FAM234B: variants seen among roughly 807,000 people sequenced by gnomAD.
The protein encoded by FAM234B is protein FAM234B.
Under a neutral mutation model 69.3 loss-of-function variants are expected in FAM234B, and 33 were observed. The observed-to-expected ratio is 0.48, with a 90% CI of 0.36 to 0.64. The LOEUF (loss-of-function observed/expected upper bound fraction) is 0.64. FAM234B is among the 30% of genes least tolerant of loss of function. FAM234B has a pLI of 0.00. For synonymous variants in FAM234B, 306 were observed against 306.9 expected (o/e 1.00, Z 0.03); for missense variants, 697 against 769.7 (o/e 0.91, Z 1.12).
At chr12:13,066,912 G>A in intron 6 of FAM234B, 125 bp downstream of exon 6, 1 of 1,133,840 alleles carries the variant, frequency 8.8e-7, no homozygotes, top group Non-Finnish European at 1.3e-6. Flanking sequence ...TCTAATGCAG[G>A]GGCCTCTTAC....
At chr12:13,052,332 G>A (rs1438960003) in intron 1 of FAM234B, among the ~76,000 whole-genome samples, 1 of 152,020 alleles carries the variant, frequency 6.6e-6, no homozygotes, top group Admixed American at 6.6e-5. Context: ...GGATAGGGGT[G>A]GGGATAGATT....
Position 13,055,561 on chromosome 12 carries a change from C to A in FAM234B, c.48C>A (p.Ser16Arg). The change falls in exon 2 of 13, where the codon AGC (serine) becomes AGA (arginine). Residue 16 changes from serine to arginine, a missense_variant. Ser to Arg is a moderately radical substitution (Grantham distance 110, BLOSUM62 -1). Transcript: ENST00000197268. The stretch of plus-strand genomic sequence containing the variant: ...TTTCTGTATTTTCAGGGAAGAAGAG[C>A]CCAGACCTAGGGGAGTATGATCCAC... The part of the protein sequence containing the change: ...SRALKLPGKK[S>R]PDLGEYDPLT... The A allele has an allele frequency of 6.3e-7, 1 of 1,593,212 alleles. No individual in the cohort carries two copies. Among genetic ancestry groups the A allele is most frequent in the East Asian group, 2.3e-5 (1 of 44,280 alleles).
chr12:13,071,038 G>A (rs1156687097), intron 9 of FAM234B, among the ~76,000 whole-genome samples: 3 of 152,166 alleles, frequency 2.0e-5, no homozygotes, highest in African/African-American at 7.2e-5. Context: ...TCTATTAAAT[G>A]GGAACAAGGG....
At position 13,055,650 on chromosome 12, in the gene FAM234B, G is replaced by C; in HGVS notation, c.137G>C (p.Gly46Ala). The change falls in exon 2 of 13, where the codon GGG (glycine) becomes GCG (alanine). Residue 46 changes from glycine to alanine, a missense_variant. Coordinates refer to ENST00000197268, the MANE Select transcript of FAM234B (RefSeq NM_020853.2). ...DLVLNLQKNG[G>A]VKNGKSPLGE... ...GTGCTTAACCTGCAGAAGAATGGAG[G>C]GGTCAAAAATGGGAAGAGTCCTTTG... 1.2e-6 allele frequency: 2 copies of C among 1,614,204 alleles called. No homozygotes were observed. The highest frequency in any genetic ancestry group is 8.5e-7 in the Non-Finnish European group (1 of 1,180,038).
intron 10 of FAM234B, among the ~76,000 whole-genome samples, chr12:13,072,394 G>A (rs1865115541): frequency 6.6e-6 from 1 of 152,034 alleles, no homozygotes; most frequent in African/African-American, 2.4e-5. Flanking sequence ...CACCTATGAG[G>A]GGACTTCAGA....
chr12:13,073,473 G>A (rs1865129395), intron 10 of FAM234B, among the ~76,000 whole-genome samples: 1 of 152,216 alleles, frequency 6.6e-6, no homozygotes, highest in South Asian at 2.1e-4. Flanking sequence ...GACTTTTGCT[G>A]TTGACCTTTC....
At chr12:13,065,016 G>A (rs1166535834) in intron 5 of FAM234B, among the ~76,000 whole-genome samples, 1 of 152,134 alleles carries the variant, frequency 6.6e-6, no homozygotes, top group Admixed American at 6.5e-5. Context: ...CTCTGGTTCA[G>A]CATTACAGAC....
intron 5 of FAM234B, among the ~76,000 whole-genome samples, chr12:13,064,312 T>C (rs192623276): frequency 1.1e-3 from 160 of 152,286 alleles, no homozygotes; most frequent in African/African-American, 3.7e-3. Context: ...AATAGAGAGA[T>C]TGGGGACTAG....
Position 13,058,451 on chromosome 12 carries a change from G to A in FAM234B, c.434G>A (p.Gly145Asp). The part of the protein sequence containing the change: ...TWSRHLGSQG[G>D]GDLSPLELAD... ...TTTTGGTTTTTTATGTGTATAACAG[G>A]TGGGGACCTGTCTCCATTGGAATTG... The change falls in exon 3 of 13, where the codon GGT becomes GAT. Residue 145 changes from glycine to aspartate, a missense_variant and splice_region_variant. This residue lies in a region of FAM234B where 380 missense variants were observed against 447.1 expected (regional missense o/e 0.85). Coordinates refer to ENST00000197268, the MANE Select transcript of FAM234B (RefSeq NM_020853.2). 6.2e-7 allele frequency: 1 copy of A among 1,613,842 alleles called. No individual in the cohort carries two copies. The highest frequency in any genetic ancestry group is 1.1e-5 in the South Asian group (1 of 91,074).
At chr12:13,075,610 CTTTTTT>C (rs5796522) in intron 10 of FAM234B, among the ~76,000 whole-genome samples, 1 of 122,890 alleles carries the variant, frequency 8.1e-6, no homozygotes, top group African/African-American at 3.1e-5. Context: ...TTTTTTTTCT[CTTTTTT>C]TTTTTTTTTT....
intron 4 of FAM234B, 66 bp downstream of exon 4, chr12:13,061,829 G>C (rs1234436174): frequency 1.4e-6 from 2 of 1,423,956 alleles, no homozygotes; most frequent in Non-Finnish European, 1.9e-6. Context: ...AGAATAATCT[G>C]TTGGGTAGGG....
intron 1 of FAM234B, among the ~76,000 whole-genome samples, chr12:13,050,398 TA>T (rs780809553): frequency 1.2e-4 from 18 of 152,218 alleles, no homozygotes; most frequent in Non-Finnish European, 2.4e-4. Context: ...GTTACTTTTC[TA>T]ACCTGCCGTC....
At chr12:13,056,519 A>T (rs7978109) in intron 2 of FAM234B, among the ~76,000 whole-genome samples, 1 of 152,030 alleles carries the variant, frequency 6.6e-6, no homozygotes, top group South Asian at 2.1e-4. Context: ...TGGGACTTAC[A>T]TCTCACCTGT....
intron 2 of FAM234B, among the ~76,000 whole-genome samples, chr12:13,056,441 G>A (rs1314684651): frequency 6.6e-6 from 1 of 152,168 alleles, no homozygotes; most frequent in Admixed American, 6.5e-5. Flanking sequence ...GGGCGGTGCT[G>A]TCTGAGTAAT....
At chr12:13,066,296 G>A (rs1379238461) in intron 5 of FAM234B, among the ~76,000 whole-genome samples, 2 of 152,174 alleles carry the variant, frequency 1.3e-5, no homozygotes, top group Non-Finnish European at 2.9e-5. Flanking sequence ...GGGATTTCTG[G>A]TATTGAAGTA....
At chr12:13,049,466 C>T (rs1864851332) in intron 1 of FAM234B, among the ~76,000 whole-genome samples, 1 of 152,238 alleles carries the variant, frequency 6.6e-6, no homozygotes, top group South Asian at 2.1e-4. Context: ...AGGCGTGAGC[C>T]AGCACCCCTG....
rs1228550237 is a variant in FAM234B, at chr12:13,083,229, A to G, written c.*2599A>G. Reference sequence around the variant, plus strand: ...CTGAGAAATAGTAATGACTTCTACAAATGCAAGGGTCTTACCCTCCTCTTT... The same window carrying G: ...CTGAGAAATAGTAATGACTTCTACAGATGCAAGGGTCTTACCCTCCTCTTT... On this transcript the variant is annotated 3_prime_UTR_variant, in exon 13 of 13. Transcript: ENST00000197268. 2 of 152,304 alleles carry G rather than the reference A, an allele frequency of 1.3e-5. No individual in the cohort carries two copies. Among genetic ancestry groups the G allele is most frequent in the African/African-American group, 2.4e-5 (1 of 41,336 alleles). The allele number at this position is 152,304 out of a possible 1,614,324, so 9.4% of individuals were successfully genotyped here.
Position 13,076,071 on chromosome 12 carries a change from C to A in FAM234B, c.1570C>A (p.Leu524Ile). The A allele has an allele frequency of 2.5e-6, 4 of 1,614,198 alleles. No homozygotes were observed. The highest frequency in any genetic ancestry group is 3.4e-6 in the Non-Finnish European group (4 of 1,180,006). Residue 524 changes from leucine (L) to isoleucine (I), a missense_variant, in exon 11 of 13, where the codon CTC becomes ATC. Coordinates refer to ENST00000197268, the MANE Select transcript of FAM234B (RefSeq NM_020853.2). ...TEPPSLHHLYLLHPAFPSILL... is the reference protein window; with the variant it reads ...TEPPSLHHLYILHPAFPSILL... ...GCCGCCCAGCCTTCACCACCTTTAC[C>A]TCCTGCATCCTGCGTTCCCCTCCAT...
At chr12:13,056,576 C>T (rs1219867042) in intron 2 of FAM234B, among the ~76,000 whole-genome samples, 1 of 152,136 alleles carries the variant, frequency 6.6e-6, no homozygotes, top group East Asian at 1.9e-4. Flanking sequence ...TATCCTCAGA[C>T]CCCTGGCATC....
Sources: allele counts gnomAD v4.1 joint callset (sites outside exome capture counted in the v4.1 genomes callset), GRCh38; gene constraint gnomAD v4.1.1; regional missense constraint gnomAD v4.1.1; transcripts MANE v1.5; gene names NCBI Gene and HGNC (gene_info 2026-07-23, HGNC 2026-07-21).